ZNF717: variants seen among roughly 807,000 people sequenced by gnomAD.
The protein encoded by ZNF717 is zinc finger protein 717, also known as krueppel-like factor X17.
In ZNF717, 9 loss-of-function variants were observed where a neutral mutation model predicts 13.8. The ratio of observed to expected loss-of-function variants is 0.65; its 90% CI spans 0.39 to 1.14. The LOEUF is 1.14. Ranked by LOEUF, ZNF717 falls within the 50% of genes most tolerant of loss-of-function variation. ZNF717 has a pLI of 0.01. For synonymous variants in ZNF717, 327 were observed against 364.1 expected (o/e 0.90, Z 1.16); for missense variants, 1,040 against 1,080.7 (o/e 0.96, Z 0.53).
At chr3:75,748,408 A>G (rs1426459087) in intron 2 of ZNF717, among the ~76,000 whole-genome samples, 2 of 152,214 alleles carry the variant, frequency 1.3e-5, no homozygotes, top group African/African-American at 4.8e-5. Context: ...TTAGACCAAT[A>G]TCCCTGATGA....
chr3:75,774,878 C>G (rs1321743188), intron 2 of ZNF717, among the ~76,000 whole-genome samples: 9 of 152,156 alleles, frequency 5.9e-5, no homozygotes, highest in Admixed American at 3.3e-4. Context: ...CTCGGCCTCC[C>G]AAAGTGCTGG....
chr3:75,764,073 T>A (rs1214288620), intron 2 of ZNF717, among the ~76,000 whole-genome samples: 1 of 152,214 alleles, frequency 6.6e-6, no homozygotes, highest in East Asian at 1.9e-4. Context: ...AGAGAGACCC[T>A]ACACAGGATT....
Position 75,777,364 on chromosome 3 carries a change from C to T in ZNF717, c.57+5942G>A, listed in dbSNP as rs114763682. Reference sequence around the variant, plus strand: ...AGAAACCAAAAACAAATGGGAGTGACGTGCTAAAACCAGAAACAAAAAACA... The same window carrying T: ...AGAAACCAAAAACAAATGGGAGTGATGTGCTAAAACCAGAAACAAAAAACA... On this transcript the variant is annotated intron_variant, in intron 2 of 4. Coordinates refer to ENST00000652011, the MANE Select transcript of ZNF717 (RefSeq NM_001290208.3). Among the ~76,000 whole-genome samples the T allele has an allele frequency of 5.2e-3, 718 of 139,072 alleles. 4 individuals carry two copies. Among genetic ancestry groups the T allele is most frequent in the Non-Finnish European group, 9.3e-3 (613 of 66,196 alleles). 91.2% of individuals were successfully genotyped at this position (139,072 alleles called of 152,430 possible).
downstream of ZNF717, among the ~76,000 whole-genome samples, chr3:75,728,000 G>A (rs1390311134): frequency 3.9e-5 from 6 of 152,186 alleles, no homozygotes; most frequent in Admixed American, 6.5e-5. Context: ...GAAATATTGG[G>A]GGCTGGTTCC....
At chr3:75,750,449 T>C (rs112204312) in intron 2 of ZNF717, among the ~76,000 whole-genome samples, 1 of 149,360 alleles carries the variant, frequency 6.7e-6, no homozygotes, top group Admixed American at 6.7e-5. Context: ...GTGGTCTGAA[T>C]GCTTGTTCCT....
At chr3:75,706,114 T>A (rs1470276642), downstream of ZNF717, among the ~76,000 whole-genome samples, 1 of 152,306 alleles carries the variant, frequency 6.6e-6, no homozygotes, top group Admixed American at 6.5e-5. Flanking sequence ...AAAATTACAA[T>A]CATTTGACTC....
intron 5 of ZNF717, among the ~76,000 whole-genome samples, chr3:75,715,668 T>C (rs1938033545): frequency 6.6e-6 from 1 of 152,124 alleles, no homozygotes; most frequent in African/African-American, 2.4e-5. Flanking sequence ...CATGAAGCTG[T>C]TGTAATTTAT....
At chr3:75,722,676 T>C (rs1229751857) in intron 4 of ZNF717, among the ~76,000 whole-genome samples, 1 of 151,706 alleles carries the variant, frequency 6.6e-6, no homozygotes, top group Non-Finnish European at 1.5e-5. Context: ...TTAGCCAGCG[T>C]GGTGGTGAGT....
At chr3:75,700,600 A>G (rs1374646231) in intron 6 of ZNF717, among the ~76,000 whole-genome samples, 2 of 152,300 alleles carry the variant, frequency 1.3e-5, no homozygotes, top group African/African-American at 4.8e-5. Flanking sequence ...ATAAAGACAG[A>G]TGGAATGAAA....
At chr3:75,695,149 C>A (rs78445863) in intron 6 of ZNF717, among the ~76,000 whole-genome samples, 1 of 139,578 alleles carries the variant, frequency 7.2e-6, no homozygotes, top group Non-Finnish European at 1.6e-5. Context: ...AAAGGTATTA[C>A]ATGCCAACAG....
At position 75,741,361 on chromosome 3, in the gene ZNF717, G is replaced by A. The variant is rs1310593073; in HGVS notation, c.192C>T (p.Tyr64=). The A allele has an allele frequency of 7.8e-6, 12 of 1,536,802 alleles. No individual in the cohort carries two copies. Among genetic ancestry groups the A allele is most frequent in the African/African-American group, 1.4e-5 (1 of 72,658 alleles). Residue 64 remains tyrosine (Y), a synonymous_variant, in exon 4 of 5, where the codon TAC becomes TAT. Transcript: ENST00000652011. ...TGAAGATCATCTCAGGTTTGGTAATGTAATGCCCTGGTAATGAGAAACAAT... is the reference window on the plus strand; with the variant it reads ...TGAAGATCATCTCAGGTTTGGTAATATAATGCCCTGGTAATGAGAAACAAT... ...TYSSLVSLGH[Y]ITKPEMIFKL...
downstream of ZNF717, among the ~76,000 whole-genome samples, chr3:75,734,813 ATATATTTT>A (rs1257653385): frequency 5.2e-3 from 309 of 59,760 alleles, no homozygotes; most frequent in African/African-American, 0.012. Context: ...ATATATATAT[ATATATTTT>A]TTTTTTTTTT....
At chr3:75,698,167 T>C (rs1937625899) in intron 6 of ZNF717, among the ~76,000 whole-genome samples, 1 of 122,180 alleles carries the variant, frequency 8.2e-6, no homozygotes, top group African/African-American at 3.1e-5. Flanking sequence ...AAAAAAAAGG[T>C]TGTAACTTAA....
intron 4 of ZNF717, among the ~76,000 whole-genome samples, chr3:75,723,762 G>C (rs1381313962): frequency 1.3e-5 from 2 of 152,288 alleles, no homozygotes; most frequent in Admixed American, 6.5e-5. Flanking sequence ...CCTTGGTCTA[G>C]CGGTAGCTCT....
intron 2 of ZNF717, among the ~76,000 whole-genome samples, chr3:75,756,195 G>A (rs1211638560): frequency 6.6e-6 from 1 of 152,214 alleles, no homozygotes; most frequent in African/African-American, 2.4e-5. Flanking sequence ...TGCTACTATT[G>A]TCATTGTTTT....
At chr3:75,755,283 G>A (rs1188269672) in intron 2 of ZNF717, among the ~76,000 whole-genome samples, 1 of 41,452 alleles carries the variant, frequency 2.4e-5, no homozygotes, top group Non-Finnish European at 8.5e-5. Flanking sequence ...AAGAATTGTG[G>A]TACAATAAAA....
chr3:75,701,408 C>A (rs190075870), intron 6 of ZNF717, among the ~76,000 whole-genome samples: 4 of 152,364 alleles, frequency 2.6e-5, no homozygotes, highest in African/African-American at 7.2e-5. Context: ...TGGTGGCTCA[C>A]GCCTGTAATC....
chr3:75,733,909 G>A (rs1399760441), downstream of ZNF717, among the ~76,000 whole-genome samples: 1 of 148,476 alleles, frequency 6.7e-6, no homozygotes, highest in Non-Finnish European at 1.5e-5. Flanking sequence ...AGTGCCCTGT[G>A]AGATCTTCTT....
chr3:75,774,573 C>T (rs1320791235), intron 2 of ZNF717, among the ~76,000 whole-genome samples: 2 of 149,096 alleles, frequency 1.3e-5, no homozygotes, highest in African/African-American at 4.9e-5. Flanking sequence ...GTCATCAATC[C>T]ATTCTAAAAT....
Sources: allele counts gnomAD v4.1 joint callset (sites outside exome capture counted in the v4.1 genomes callset), GRCh38; gene constraint gnomAD v4.1.1; transcripts MANE v1.5; gene names NCBI Gene and HGNC (gene_info 2026-07-23, HGNC 2026-07-21).